Variants in DCBLD1 observed in about 807,000 individuals in gnomAD.
DCBLD1 encodes the protein discoidin, CUB and LCCL domain containing 1, also known as discoidin, CUB and LCCL domain-containing protein 1.
A neutral mutation model predicts 71.5 loss-of-function variants in DCBLD1; 57 were observed. That is an observed-to-expected ratio of 0.80 (90% CI 0.64 to 0.99). The LOEUF (loss-of-function observed/expected upper bound fraction) is 0.99. Among genes scored for constraint, DCBLD1 ranks in the 50% least tolerant of loss-of-function variants. DCBLD1 has a pLI of 0.00. For missense variants in DCBLD1, 891 were observed against 923.5 expected (o/e 0.96, Z 0.46); for synonymous variants, 380 against 363.8 (o/e 1.04, Z -0.51).
intron 1 of DCBLD1, among the ~76,000 whole-genome samples, chr6:117,491,316 G>A (rs1338765865): frequency 1.3e-5 from 2 of 152,092 alleles, no homozygotes; most frequent in East Asian, 3.9e-4. Flanking sequence ...AATGAACCAA[G>A]GTTTGCCCCC....
intron 2 of DCBLD1, among the ~76,000 whole-genome samples, chr6:117,516,557 A>G (rs1778206927): frequency 6.6e-6 from 1 of 152,170 alleles, no homozygotes; most frequent in Non-Finnish European, 1.5e-5. Context: ...AACTTGAAAC[A>G]GAGAGAAATT....
At chr6:117,503,644 T>G (rs544935538) in intron 1 of DCBLD1, 123 bp from the exon 2 acceptor site, 17 of 1,007,070 alleles carry the variant, frequency 1.7e-5, no homozygotes, top group Non-Finnish European at 2.5e-5. Context: ...TTTTTGTTTT[T>G]TGGTTTTCCT....
At chr6:117,537,400 G>A (rs938006607) in intron 7 of DCBLD1, among the ~76,000 whole-genome samples, 175 bp downstream of exon 7, 4 of 151,796 alleles carry the variant, frequency 2.6e-5, no homozygotes, top group Admixed American at 2.0e-4. Flanking sequence ...CGGGCCTGGT[G>A]GGGGGCGCCT....
At chr6:117,512,252 A>G (rs1055640339) in intron 2 of DCBLD1, among the ~76,000 whole-genome samples, 4 of 152,208 alleles carry the variant, frequency 2.6e-5, no homozygotes, top group African/African-American at 9.6e-5. Flanking sequence ...GCCCCAAGGA[A>G]AGCCACACCT....
At chr6:117,530,697 G>T (rs918956168) in intron 5 of DCBLD1, among the ~76,000 whole-genome samples, 1 of 152,172 alleles carries the variant, frequency 6.6e-6, no homozygotes, top group Non-Finnish European at 1.5e-5. Flanking sequence ...AAGATAAATT[G>T]CTAAATTTAA....
exon 15 of DCBLD1, chr6:117,569,631 T>C: frequency 6.2e-7 from 1 of 1,613,326 alleles, no homozygotes; most frequent in Non-Finnish European, 8.5e-7. Flanking sequence ...TTAACTCCGT[T>C]GACTGCCAAA....
chr6:117,547,946 C>A lies in DCBLD1; in HGVS notation c.1655C>A (p.Thr552Lys). 1.3e-6 allele frequency: 2 copies of A among 1,550,584 alleles called. No homozygotes were observed. Among genetic ancestry groups the A allele is most frequent in the South Asian group, 2.4e-5 (2 of 84,062 alleles). ...CTCATGATTGGCACCGGGACAGTCA[C>A]GAGGAAGGGCTCCACCTTCCGGCCC... Reference protein sequence around the residue: ...QPLMIGTGTVTRKGSTFRPMD... With the variant: ...QPLMIGTGTVKRKGSTFRPMD... The change falls in exon 15 of 15, where the codon ACG becomes AAG. Residue 552 changes from threonine (T) to lysine (K), a missense_variant. Coordinates refer to ENST00000338728, the MANE Select transcript of DCBLD1 (RefSeq NM_001366458.2).
At chr6:117,519,041 A>G (rs1778299487) in intron 2 of DCBLD1, among the ~76,000 whole-genome samples, 1 of 152,138 alleles carries the variant, frequency 6.6e-6, no homozygotes. Flanking sequence ...GCTAATCTCT[A>G]TTTCATAGAG....
intron 4 of DCBLD1, 141 bp downstream of exon 4, chr6:117,521,717 T>C (rs1778393652): frequency 2.7e-6 from 2 of 739,452 alleles, no homozygotes; most frequent in Middle Eastern, 2.7e-4. Flanking sequence ...TGAAATAGTT[T>C]GTTATATAGC....
At chr6:117,525,558 TCCTCTG>T in intron 5 of DCBLD1, 124 bp downstream of exon 5, 2 of 627,360 alleles carry the variant, frequency 3.2e-6, no homozygotes, top group Non-Finnish European at 4.9e-6. Flanking sequence ...TGAGTCTCTC[TCCTCTG>T]AGAATAAATG....
In DCBLD1 at chr6:117,537,214, T is replaced by G; in HGVS notation, c.749T>G (p.Phe250Cys). ...DGSLSDKRFL[F>C]TSNGCSRSLS... ...TCCCTGTCAGACAAGCGATTTCTGT[T>G]TACCTCCAATGGTAAGGATCATGCT... Residue 250 changes from phenylalanine (F) to cysteine (C), a missense_variant, in exon 7 of 15, where the codon TTT becomes TGT. Transcript: ENST00000338728. 1 of 1,614,086 alleles carries G rather than the reference T, an allele frequency of 6.2e-7. No individual in the cohort carries two copies. The highest frequency in any genetic ancestry group is 8.5e-7 in the Non-Finnish European group (1 of 1,179,980).
At chr6:117,566,863 C>A in intron 14 of DCBLD1, 1 of 1,566,206 alleles carries the variant, frequency 6.4e-7, no homozygotes, top group Non-Finnish European at 8.6e-7. Flanking sequence ...CCTTGTAATA[C>A]TTTGATTTCC....
chr6:117,516,442 A>G (rs1401744453), intron 2 of DCBLD1, among the ~76,000 whole-genome samples: 2 of 152,212 alleles, frequency 1.3e-5, no homozygotes, highest in African/African-American at 4.8e-5. Flanking sequence ...AACATCTTTT[A>G]TTTAGATTTC....
chr6:117,544,439 A>T, intron 12 of DCBLD1, 89 bp from the exon 13 acceptor site: 1 of 1,241,980 alleles, frequency 8.1e-7, no homozygotes, highest in Middle Eastern at 1.9e-4. Flanking sequence ...CCTATGAGGT[A>T]AGTACTATTA....
chr6:117,551,956 C>G (rs886131556), downstream of DCBLD1, among the ~76,000 whole-genome samples: 1 of 151,822 alleles, frequency 6.6e-6, no homozygotes, highest in Admixed American at 6.6e-5. Context: ...GAGACCTCCT[C>G]TCTACAAAAA....
At position 117,549,425 on chromosome 6, in the gene DCBLD1, A is replaced by G; in HGVS notation, c.*986A>G. 2 of 985,364 alleles carry G rather than the reference A, an allele frequency of 2.0e-6. No homozygotes were observed. The highest frequency in any genetic ancestry group is 2.4e-6 in the Non-Finnish European group (2 of 829,914). The allele number at this position is 985,364 out of a possible 1,614,324, so 61.0% of individuals were successfully genotyped here. ...AACTGATCTCATTTTATAAGAAATGATTTTCCCCTCAAGGAGGCGTCTGTA... is the reference window on the plus strand; with the variant it reads ...AACTGATCTCATTTTATAAGAAATGGTTTTCCCCTCAAGGAGGCGTCTGTA... On this transcript the variant is annotated 3_prime_UTR_variant, in exon 15 of 15. Coordinates refer to ENST00000338728, the MANE Select transcript of DCBLD1 (RefSeq NM_001366458.2).
In DCBLD1 at chr6:117,548,515, G is replaced by T; in HGVS notation, c.*76G>T. 2 of 1,534,896 alleles carry T rather than the reference G, an allele frequency of 1.3e-6. No homozygotes were observed. The highest frequency in any genetic ancestry group is 1.7e-6 in the Non-Finnish European group (2 of 1,143,256). ...GGCACTGGAAGAAGGGAGCCTGCTG[G>T]TCCAGAGTGTGCGTGTGTATCGGTG... is the stretch of plus-strand genomic sequence containing the variant. On this transcript the variant is annotated 3_prime_UTR_variant, in exon 15 of 15. Coordinates refer to ENST00000338728, the MANE Select transcript of DCBLD1 (RefSeq NM_001366458.2).
At chr6:117,499,973 G>A (rs1337367336) in intron 1 of DCBLD1, among the ~76,000 whole-genome samples, 2 of 152,178 alleles carry the variant, frequency 1.3e-5, no homozygotes, top group East Asian at 1.9e-4. Context: ...AGCTGAGATC[G>A]CACCACTGCA....
intron 2 of DCBLD1, among the ~76,000 whole-genome samples, chr6:117,511,313 GT>G (rs922749717): frequency 6.6e-6 from 1 of 152,172 alleles, no homozygotes; most frequent in African/African-American, 2.4e-5. Context: ...TTCAAAAAAT[GT>G]TTTTTAGTCA....
Sources: gnomAD v4.1 joint callset for allele counts (sites outside exome capture counted in the v4.1 genomes callset) on GRCh38, gnomAD v4.1.1 for gene constraint, MANE v1.5 for transcripts, NCBI Gene and HGNC (gene_info 2026-07-23, HGNC 2026-07-21) for gene names.